FKRP: variants seen among roughly 807,000 people sequenced by gnomAD.
The protein encoded by FKRP is ribitol 5-phosphate transferase FKRP.
A neutral mutation model predicts 30.6 loss-of-function variants in FKRP; 25 were observed. The ratio of observed to expected loss-of-function variants is 0.82; its 90% CI spans 0.60 to 1.14. The LOEUF (loss-of-function observed/expected upper bound fraction) is 1.14, where lower values mean the gene tolerates loss of function less well. Ranked by LOEUF, FKRP falls within the 50% of genes most tolerant of loss-of-function variation. The pLI is 0.00. For synonymous variants in FKRP, 358 were observed against 342.5 expected (o/e 1.05, Z -0.50); for missense variants, 771 against 727.8 (o/e 1.06, Z -0.68).
chr19:46,746,132 C>A, intron 1 of FKRP, 42 bp downstream of exon 1: 1 of 1,460,194 alleles, frequency 6.8e-7, no homozygotes, highest in Non-Finnish European at 9.0e-7. Context: ...GGTCGGGGGT[C>A]CCGGGACAGC....
At chr19:46,746,114 G>T in intron 1 of FKRP, 24 bp downstream of exon 1, 1 of 1,458,936 alleles carries the variant, frequency 6.9e-7, no homozygotes, top group Non-Finnish European at 9.0e-7. Flanking sequence ...GGGCCGGGCC[G>T]GGTTGGGGGT....
intron 3 of FKRP, among the ~76,000 whole-genome samples, chr19:46,749,736 A>T (rs921709562): frequency 6.6e-6 from 1 of 151,612 alleles, no homozygotes; most frequent in Non-Finnish European, 1.5e-5. Context: ...AAAAAAAAAA[A>T]AAAAAGAGTC....
Position 46,755,658 on chromosome 19 carries a change from T to C in FKRP, c.208T>C (p.Phe70Leu). Residue 70 changes from phenylalanine (F) to leucine (L), a missense_variant, in exon 4 of 4, where the codon TTC (phenylalanine) becomes CTC (leucine). Physicochemically the swap from Phe to Leu is conservative, Grantham distance 22. Transcript: ENST00000318584. ...CGCGGTGCCCGAGCTGGTAGACTCC[T>C]TCCTGCAGCAAGACCCAGCCCAGCC... ...DNAVPELVDS[F>L]LQQDPAQPVV... 2.5e-6 allele frequency: 4 copies of C among 1,597,042 alleles called. No homozygotes were observed. Among genetic ancestry groups the C allele is most frequent in the Non-Finnish European group, 3.4e-6 (4 of 1,177,546 alleles).
At chr19:46,751,589 T>C (rs1190723677) in intron 3 of FKRP, among the ~76,000 whole-genome samples, 1 of 146,314 alleles carries the variant, frequency 6.8e-6, no homozygotes, top group African/African-American at 2.5e-5. Flanking sequence ...GACGGAGTCT[T>C]GCTCTGTCGC....
rs745774108 is a variant in FKRP at position 46,756,891 on chromosome 19, C to G, written c.1441C>G (p.Pro481Ala). 85 of 1,612,830 alleles carry G rather than the reference C, an allele frequency of 5.3e-5. No homozygotes were observed. The highest frequency in any genetic ancestry group is 1.3e-5 in the Non-Finnish European group (15 of 1,179,920). The change falls in exon 4 of 4, where the codon CCC becomes GCC. Residue 481 changes from proline to alanine, a missense_variant. Physicochemically the swap from Pro to Ala is conservative, Grantham distance 27 (BLOSUM62 -1). Coordinates refer to ENST00000318584, the MANE Select transcript of FKRP (RefSeq NM_024301.5). The surrounding 1 kb of genome is among the most constrained non-coding windows in gnomAD (Gnocchi z 6.6). Reference protein sequence around the residue: ...LKFGPGVIENPQYPNPALLSL... With the variant: ...LKFGPGVIENAQYPNPALLSL... ...GTTCGGGCCCGGGGTCATCGAGAAC[C>G]CCCAGTACCCCAACCCGGCACTGCT...
intron 3 of FKRP, among the ~76,000 whole-genome samples, chr19:46,751,301 C>T (rs148958668): frequency 3.9e-5 from 6 of 152,094 alleles, no homozygotes; most frequent in East Asian, 1.9e-4. Context: ...TGGTCTCAAG[C>T]GATCTGCCTA....
At chr19:46,744,904 TGAC>T, upstream of FKRP, among the ~76,000 whole-genome samples, 1 of 152,160 alleles carries the variant, frequency 6.6e-6, no homozygotes, top group South Asian at 2.1e-4. Flanking sequence ...CCAATGGACC[TGAC>T]GCTCCACGAG....
Position 46,746,094 on chromosome 19 carries a change from AGGCCG to A in FKRP, c.-253+22_-253+26del, listed in dbSNP as rs568014119. On this transcript the variant is annotated splice_donor_5th_base_variant and intron_variant, in intron 1 of 3. Transcript: ENST00000318584. ...ATGGCGGCGGCGGCGGCAGCGGGTGAGGCCGGGCCGGGCCGGGCCGGGTTGGGGGT... is the reference window on the plus strand; with the variant it reads ...ATGGCGGCGGCGGCGGCAGCGGGTGAGGCCGGGCCGGGCCGGGTTGGGGGT... 708 of 1,244,078 alleles carry A rather than the reference AGGCCG, an allele frequency of 5.7e-4. 1 individual carries two copies. The African/African-American group carries it at 8.8e-3, about 16-fold the overall frequency. 77.1% of individuals were successfully genotyped at this position (1,244,078 alleles called of 1,614,324 possible). A position where few individuals can be genotyped will look rare whatever the true frequency, so the allele number is the denominator to read the frequency against.
intron 3 of FKRP, chr19:46,754,239 T>C (rs980930763): frequency 6.6e-6 from 1 of 152,072 alleles, no homozygotes; most frequent in African/African-American, 2.4e-5. Flanking sequence ...AGTCTCCTTA[T>C]GTTACTCAGG....
chr19:46,754,320 G>C (rs1422733070), intron 3 of FKRP: 1 of 149,476 alleles, frequency 6.7e-6, no homozygotes, highest in African/African-American at 2.5e-5. Context: ...TCACAGGTGT[G>C]AGTCACTGTA....
At chr19:46,746,127 G>C in intron 1 of FKRP, 37 bp downstream of exon 1, 2 of 1,485,988 alleles carry the variant, frequency 1.3e-6, no homozygotes, top group Non-Finnish European at 1.8e-6. Context: ...TTGGGGGTCG[G>C]GGGTCCCGGG....
chr19:46,747,389 T>A (rs980979068), intron 1 of FKRP: 1 of 141,100 alleles, frequency 7.1e-6, no homozygotes, highest in Non-Finnish European at 1.5e-5. Context: ...AGGAGGGGAT[T>A]TTTTTTTTTT....
chr19:46,754,729 C>G (rs2054871205), intron 3 of FKRP, among the ~76,000 whole-genome samples: 2 of 151,898 alleles, frequency 1.3e-5, no homozygotes, highest in South Asian at 4.1e-4. Context: ...CCTCAGCCTC[C>G]TGAGTAGCTG....
At chr19:46,745,222 C>T (rs1194070752), upstream of FKRP, among the ~76,000 whole-genome samples, 4 of 152,064 alleles carry the variant, frequency 2.6e-5, no homozygotes, top group African/African-American at 9.7e-5. Flanking sequence ...CTACCTACAT[C>T]CTACAACACA....
intron 3 of FKRP, among the ~76,000 whole-genome samples, chr19:46,749,817 A>G (rs1220133778): frequency 1.3e-5 from 2 of 151,880 alleles, no homozygotes; most frequent in African/African-American, 4.8e-5. Context: ...TCCTAGACTC[A>G]AGTAATCCTA....
At chr19:46,750,072 A>G (rs2054760212) in intron 3 of FKRP, among the ~76,000 whole-genome samples, 1 of 152,192 alleles carries the variant, frequency 6.6e-6, no homozygotes, top group African/African-American at 2.4e-5. Flanking sequence ...GAATATGCCT[A>G]AAGTGCTTAG....
chr19:46,757,474 G>T lies in FKRP; in HGVS notation c.*536G>T. 1 of 178,352 alleles carries T rather than the reference G, an allele frequency of 5.6e-6. No homozygotes were observed. The allele number at this position is 178,352 out of a possible 1,614,324, so 11.0% of individuals were successfully genotyped here. A position where few individuals can be genotyped will look rare whatever the true frequency, so the allele number is the denominator to read the frequency against. On this transcript the variant is annotated 3_prime_UTR_variant, in exon 4 of 4. Transcript: ENST00000318584. ...ACCCTTGGCTGCAGGGGTTGCTTCCGCCACTAGAGGGCGCGCCGGTCCCGC... is the reference window on the plus strand; with the variant it reads ...ACCCTTGGCTGCAGGGGTTGCTTCCTCCACTAGAGGGCGCGCCGGTCCCGC...
At chr19:46,748,693 C>T (rs1244100030) in intron 3 of FKRP, 28 bp downstream of exon 3, 1 of 152,350 alleles carries the variant, frequency 6.6e-6, no homozygotes, top group Non-Finnish European at 1.5e-5. Context: ...ACTCTTGCGC[C>T]CCCTGCTGGT....
Position 46,756,884 on chromosome 19 carries a change from CG to C in FKRP, c.1435del (p.Glu479ArgfsTer11). The C allele has an allele frequency of 6.2e-7, 1 of 1,612,646 alleles. No homozygotes were observed. The highest frequency in any genetic ancestry group is 8.5e-7 in the Non-Finnish European group (1 of 1,179,790). ...AGCTCAAGTTCGGGCCCGGGGTCAT[CG>C]AGAACCCCCAGTACCCCAACCCGGC... ...LELKFGPGVI[E>X]NPQYPNPALL... On this transcript the variant is annotated frameshift_variant, in exon 4 of 4. Coordinates refer to ENST00000318584, the MANE Select transcript of FKRP (RefSeq NM_024301.5). LOFTEE classifies it high-confidence loss of function. The surrounding 1 kb of genome is among the most constrained non-coding windows in gnomAD (Gnocchi z 6.6).
Sources: allele counts gnomAD v4.1 joint callset (sites outside exome capture counted in the v4.1 genomes callset), GRCh38; gene constraint gnomAD v4.1.1; non-coding constraint Gnocchi (gnomAD v3.1); transcripts MANE v1.5; gene names NCBI Gene and HGNC (gene_info 2026-07-23, HGNC 2026-07-21).